The following PTHLH variants were observed in gnomAD, a reference collection of about 807,000 sequenced individuals.
PTHLH encodes the protein parathyroid hormone-related protein.
PTHLH carries 5 observed loss-of-function variants against 18.6 expected under a neutral mutation model. The observed-to-expected ratio is 0.27, with a 90% confidence interval of 0.14 to 0.56. The LOEUF (loss-of-function observed/expected upper bound fraction) is 0.56. Ranked by LOEUF, PTHLH falls within the 20% of genes least tolerant of loss-of-function variation. PTHLH has a pLI of 0.92. For synonymous variants in PTHLH, 90 were observed against 94.0 expected, an observed-to-expected ratio of 0.96 and a Z score of 0.25; for missense variants, 207 against 223.9, an observed-to-expected ratio of 0.92 and a Z score of 0.48.
chr12:27,969,150 G>T (rs1434431403), intron 4 of PTHLH: 3 of 535,392 alleles, frequency 5.6e-6, no homozygotes, highest in African/African-American at 3.8e-5. Flanking sequence ...TCTGTGAAAC[G>T]CTCCCTCTTA....
intron 2 of PTHLH, among the ~76,000 whole-genome samples, chr12:27,970,718 G>T (rs1174251561): frequency 6.6e-6 from 1 of 152,106 alleles, no homozygotes; most frequent in South Asian, 2.1e-4. Flanking sequence ...GGGGCGGACC[G>T]ACGAGGAGGA....
chr12:27,969,353 G>C lies in PTHLH; in HGVS notation c.101+41C>G, dbSNP rs993674586. 5.2e-6 allele frequency: 8 copies of C among 1,525,984 alleles called. No homozygotes were observed. The South Asian group carries it at 8.3e-5, about 16-fold the overall frequency. The allele number at this position is 1,525,984 out of a possible 1,614,324, so 94.5% of individuals were successfully genotyped here. The stretch of plus-strand genomic sequence containing the variant: ...CCCAGCTTGGCAGCCCCTCCCCCTG[G>C]CCTCCCCAACCCGGCGCCCTGGGGA... On this transcript the variant is annotated intron_variant, in intron 4 of 5. Transcript: ENST00000545234.
At position 27,963,369 on chromosome 12, in the gene PTHLH, G is replaced by C; in HGVS notation, c.503C>G (p.Thr168Arg). Residue 168 changes from threonine to arginine, a missense_variant, in exon 5 of 6, where the codon ACG becomes AGG. By Grantham distance (71) the Thr-to-Arg change is moderately conservative (BLOSUM62 -1). Transcript: ENST00000545234. Reference protein sequence around the residue: ...EGDHLSDTSTTSLELDSRRH With the variant: ...EGDHLSDTSTRSLELDSRRH ...TTACCGTGAATCGAGCTCCAGCGAC[G>C]TTGTGGAGGTGTCAGACAGGTGGTC... The C allele has an allele frequency of 6.2e-7, 1 of 1,614,248 alleles. No homozygotes were observed. Among genetic ancestry groups the C allele is most frequent in the South Asian group, 1.1e-5 (1 of 91,092 alleles).
At chr12:27,963,170 G>T (rs2062776514) in intron 5 of PTHLH, 178 bp downstream of exon 5, 1 of 1,491,876 alleles carries the variant, frequency 6.7e-7, no homozygotes, top group Non-Finnish European at 8.9e-7. Flanking sequence ...GTGTGTGGTA[G>T]GGGGGTACTG....
intron 1 of PTHLH, 84 bp from the exon 2 acceptor site, chr12:27,972,103 A>T (rs774608723): frequency 1.3e-5 from 2 of 151,690 alleles, no homozygotes; most frequent in African/African-American, 4.8e-5. Context: ...CATTGAAATG[A>T]TAATATTTGC....
At position 27,958,497 on chromosome 12, in the gene PTHLH, T is replaced by G; in HGVS notation, c.*62A>C. 6.9e-7 allele frequency: 1 copy of G among 1,450,604 alleles called. No homozygotes were observed. Among genetic ancestry groups the G allele is most frequent in the East Asian group, 2.5e-5 (1 of 40,682 alleles). The allele number at this position is 1,450,604 out of a possible 1,614,324, so 89.9% of individuals were successfully genotyped here. A position where few individuals can be genotyped will look rare whatever the true frequency, so the allele number is the denominator to read the frequency against. On this transcript the variant is annotated 3_prime_UTR_variant, in exon 6 of 6. Coordinates refer to ENST00000545234, the MANE Select transcript of PTHLH (RefSeq NM_198965.2). ...ACAGACAATAAATATTTCTAATACT[T>G]TCCATATGTTCACTATTACAGAATC...
intron 4 of PTHLH, among the ~76,000 whole-genome samples, chr12:27,964,898 G>A (rs983417535): frequency 2.0e-5 from 3 of 152,042 alleles, no homozygotes; most frequent in African/African-American, 7.3e-5. Flanking sequence ...GTCATATCAT[G>A]CCTGCTTCAA....
At chr12:27,961,835 G>A in intron 5 of PTHLH, 1 of 591,970 alleles carries the variant, frequency 1.7e-6, no homozygotes, top group Non-Finnish European at 3.0e-6. Context: ...ATAGGTTCAA[G>A]GTCCCCTTTG....
chr12:27,960,015 G>A (rs10843042), intron 5 of PTHLH, among the ~76,000 whole-genome samples: 6,800 of 152,278 alleles, frequency 0.045, 226 homozygotes, highest in East Asian at 0.13. Context: ...AGAAAAAGAA[G>A]TAAGTTAAAG....
chr12:27,963,179 T>A, intron 5 of PTHLH, 169 bp downstream of exon 5: 1 of 1,501,422 alleles, frequency 6.7e-7, no homozygotes, highest in Non-Finnish European at 8.9e-7. Context: ...AGGGGGGTAC[T>A]GCTTTAAGGC....
chr12:27,968,931 T>G (rs944491136), intron 4 of PTHLH, among the ~76,000 whole-genome samples: 1 of 152,178 alleles, frequency 6.6e-6, no homozygotes, highest in Non-Finnish European at 1.5e-5. Context: ...ATTATGTCAT[T>G]CATAATAAAA....
intron 5 of PTHLH, 105 bp from the exon 6 acceptor site, chr12:27,958,673 A>G (rs1241833961): frequency 2.8e-6 from 3 of 1,085,770 alleles, no homozygotes; most frequent in Admixed American, 2.5e-5. Context: ...CAAAATCACA[A>G]TGGAAAGAGA....
intron 4 of PTHLH, 93 bp from the exon 5 acceptor site, chr12:27,963,863 A>C: frequency 7.5e-7 from 1 of 1,334,754 alleles, no homozygotes; most frequent in East Asian, 2.3e-5. Flanking sequence ...TTAGTTTTCT[A>C]GTTGGTCCAC....
In PTHLH at chr12:27,963,463, C is replaced by T. The variant is rs766251569; in HGVS notation, c.409G>A (p.Glu137Lys). Residue 137 changes from glutamate (E) to lysine (K), a missense_variant, in exon 5 of 6, where the codon GAA becomes AAA. Transcript: ENST00000545234. ...GAGCGAGTTCGCCGTTTTTTCTTTT[C>T]CTGCTCCTTGCGTTTCCCGGGCTTG... is the stretch of plus-strand genomic sequence containing the variant. ...KGKPGKRKEQ[E>K]KKKRRTRSAW... 2 of 1,613,894 alleles carry T rather than the reference C, an allele frequency of 1.2e-6. No homozygotes were observed. The highest frequency in any genetic ancestry group is 1.7e-5 in the Admixed American group (1 of 60,028).
intron 5 of PTHLH, among the ~76,000 whole-genome samples, chr12:27,960,662 G>T (rs1412796526): frequency 1.4e-5 from 2 of 147,094 alleles, no homozygotes. Context: ...AGGTTGCAGT[G>T]AGCCGAGATT....
chr12:27,970,155 G>T lies in PTHLH; in HGVS notation c.-153C>A. 3.9e-6 allele frequency: 2 copies of T among 517,596 alleles called. No homozygotes were observed. The highest frequency in any genetic ancestry group is 7.7e-6 in the Non-Finnish European group (2 of 259,442). 32.1% of individuals were successfully genotyped at this position (517,596 alleles called of 1,614,324 possible). A position where few individuals can be genotyped will look rare whatever the true frequency, so the allele number is the denominator to read the frequency against. On this transcript the variant is annotated 5_prime_UTR_variant, in exon 3 of 6. Transcript: ENST00000545234. ...CGGGTCGTTAGTGGCAGCCGGAGCG[G>T]CAGGGAGGCGGCAGCCCCGCTTCAC...
rs76825336 is a variant in PTHLH at position 27,959,646 on chromosome 12, G to A, written c.525-1078C>T. Among the ~76,000 whole-genome samples the A allele has an allele frequency of 8.2e-3, 1,247 of 152,294 alleles. 23 individuals are homozygous for A. Among genetic ancestry groups the A allele is most frequent in the East Asian group, 0.074 (383 of 5,186 alleles). On this transcript the variant is annotated intron_variant, in intron 5 of 5. Coordinates refer to ENST00000545234, the MANE Select transcript of PTHLH (RefSeq NM_198965.2). ...CATATATGGGTGTAAGACCTACAAA[G>A]CAGCATATTCTTAACAATTTTGGGG... is the stretch of plus-strand genomic sequence containing the variant.
chr12:27,970,073 G>T lies in PTHLH; in HGVS notation c.-71C>A, dbSNP rs754176414. On this transcript the variant is annotated 5_prime_UTR_variant, in exon 3 of 6. Transcript: ENST00000545234. ...CCGGAAAGTTGATTCCACACACCCT[G>T]AGAACAAGTTTCAAGTGCGTGTGTC... The T allele has an allele frequency of 1.9e-5, 10 of 518,922 alleles. No homozygotes were observed. The highest frequency in any genetic ancestry group is 3.8e-5 in the Non-Finnish European group (10 of 259,886). 32.1% of individuals were successfully genotyped at this position (518,922 alleles called of 1,614,324 possible). A position where few individuals can be genotyped will look rare whatever the true frequency, so the allele number is the denominator to read the frequency against.
At chr12:27,958,682 G>T in intron 5 of PTHLH, 114 bp from the exon 6 acceptor site, 2 of 1,015,208 alleles carry the variant, frequency 2.0e-6, no homozygotes, top group Non-Finnish European at 2.8e-6. Context: ...AATGGAAAGA[G>T]ATTCAGGGAA....
Sources: gnomAD v4.1 joint callset for allele counts (sites outside exome capture counted in the v4.1 genomes callset) on GRCh38, gnomAD v4.1.1 for gene constraint, MANE v1.5 for transcripts, NCBI Gene and HGNC (gene_info 2026-07-23, HGNC 2026-07-21) for gene names.